The following RNF135 variants were observed in gnomAD, a reference collection of about 807,000 sequenced individuals.
RNF135 encodes ring finger protein 135.
A neutral mutation model predicts 41.9 loss-of-function variants in RNF135; 46 were observed. The observed-to-expected ratio is 1.10, with a 90% CI of 0.87 to 1.40. The LOEUF is 1.40. Among genes scored for constraint, RNF135 ranks in the 40% most tolerant of loss-of-function variants. The pLI is 0.00. For synonymous variants in RNF135, 238 were observed against 223.8 expected (o/e 1.06, Z -0.57); for missense variants, 539 against 549.8 (o/e 0.98, Z 0.20).
upstream of RNF135, among the ~76,000 whole-genome samples, chr17:30,966,353 A>G (rs985834944): frequency 8.0e-6 from 1 of 125,280 alleles, no homozygotes; most frequent in Admixed American, 7.0e-5. Flanking sequence ...ATTTATTTTT[A>G]TTTTATTTAT....
chr17:30,960,318 G>A, the RNF135 span, among the ~76,000 whole-genome samples: 1 of 151,726 alleles, frequency 6.6e-6, no homozygotes, highest in Non-Finnish European at 1.5e-5. Flanking sequence ...CTTGAACCCG[G>A]CAGGCGGAGG....
the RNF135 span, among the ~76,000 whole-genome samples, chr17:30,960,923 T>C: frequency 1.3e-5 from 2 of 151,792 alleles, no homozygotes; most frequent in African/African-American, 2.4e-5. Flanking sequence ...GTATTTTTAG[T>C]AGAGACAGGG....
At chr17:30,986,833 A>T (rs1468587694) in intron 2 of RNF135, among the ~76,000 whole-genome samples, 1 of 152,216 alleles carries the variant, frequency 6.6e-6, no homozygotes, top group African/African-American at 2.4e-5. Flanking sequence ...AAAATGTGGG[A>T]TGTTATAATT....
At chr17:30,966,354 T>TTTATTTA (rs1555571377), upstream of RNF135, among the ~76,000 whole-genome samples, 24 of 148,118 alleles carry the variant, frequency 1.6e-4, no homozygotes, top group African/African-American at 6.1e-4. Context: ...TTTATTTTTA[T>TTTATTTA]TTTATTTATT....
At chr17:30,983,354 T>TATATATATATA (rs1491179041) in intron 1 of RNF135, among the ~76,000 whole-genome samples, 124 of 25,522 alleles carry the variant, frequency 4.9e-3, no homozygotes, top group East Asian at 0.014. Flanking sequence ...TATATATATA[T>TATATATATATA]TTTTTTTTTT....
At chr17:30,964,478 C>T in the RNF135 span, among the ~76,000 whole-genome samples, 1 of 150,862 alleles carries the variant, frequency 6.6e-6, no homozygotes, top group African/African-American at 2.4e-5. Context: ...GTGGTTCATG[C>T]CTGTAATCCC....
Position 30,991,709 on chromosome 17 carries a change from C to T in RNF135, c.679+3603C>T, listed in dbSNP as rs540946980. On this transcript the variant is annotated intron_variant, in intron 3 of 4. Coordinates refer to ENST00000328381, the MANE Select transcript of RNF135 (RefSeq NM_032322.4). ...GATTACAGGGGTGAGCCACCGTGCC[C>T]GGCCTATACTACACTTTTAATTTGT... Among the ~76,000 whole-genome samples the T allele has an allele frequency of 5.9e-5, 9 of 151,872 alleles. No homozygotes were observed. In the East Asian group the frequency reaches 1.2e-3, roughly 20 times the overall value.
intron 1 of RNF135, among the ~76,000 whole-genome samples, chr17:30,977,757 C>A (rs887792644): frequency 6.6e-6 from 1 of 152,070 alleles, no homozygotes; most frequent in African/African-American, 2.4e-5. Context: ...TTAGCAGAGA[C>A]GGGGTTTCAC....
At chr17:30,968,810 G>A (rs2142640908), upstream of RNF135, 1 of 152,350 alleles carries the variant, frequency 6.6e-6, no homozygotes, top group Non-Finnish European at 1.5e-5. Flanking sequence ...CTGTGAAATG[G>A]AGAAGAGGAG....
intron 3 of RNF135, chr17:30,993,856 G>T (rs1187610135): frequency 8.9e-6 from 7 of 783,736 alleles, no homozygotes; most frequent in Middle Eastern, 3.6e-4. Context: ...TGTTGCCCAG[G>T]CTGGAGTGCA....
intron 1 of RNF135, among the ~76,000 whole-genome samples, chr17:30,983,349 A>T (rs1483458807): frequency 0.093 from 3,587 of 38,542 alleles, 222 homozygotes; most frequent in African/African-American, 0.11. Context: ...ATATATATAT[A>T]TATATTTTTT....
At chr17:30,993,688 A>C (rs1908142486) in intron 3 of RNF135, among the ~76,000 whole-genome samples, 1 of 152,118 alleles carries the variant, frequency 6.6e-6, no homozygotes, top group Non-Finnish European at 1.5e-5. Flanking sequence ...TAAAAAAAGT[A>C]TTAGGGAGTG....
At chr17:30,977,899 T>A (rs1045853957) in intron 1 of RNF135, among the ~76,000 whole-genome samples, 1 of 152,238 alleles carries the variant, frequency 6.6e-6, no homozygotes, top group Admixed American at 6.5e-5. Flanking sequence ...GTATTCCCTT[T>A]AGCATTTCTT....
upstream of RNF135, among the ~76,000 whole-genome samples, chr17:30,968,127 A>G (rs1018314751): frequency 1.3e-5 from 2 of 151,476 alleles, no homozygotes; most frequent in Admixed American, 6.6e-5. Flanking sequence ...CATCTCTACT[A>G]AAAATACAAA....
Position 30,981,329 on chromosome 17 carries a change from C to G in RNF135, c.373-3288C>G, listed in dbSNP as rs533381229. Among the ~76,000 whole-genome samples the G allele has an allele frequency of 4.4e-3, 574 of 129,784 alleles. 5 individuals carry two copies. Among genetic ancestry groups the G allele is most frequent in the African/African-American group, 0.022 (531 of 24,650 alleles). The allele number at this position is 129,784 out of a possible 152,430, so 85.1% of individuals were successfully genotyped here. A position where few individuals can be genotyped will look rare whatever the true frequency, so the allele number is the denominator to read the frequency against. ...GCAGCAGTACCGTCCAGCTTTGGCT[C>G]AGCATCAGAGGGAGACCGTGGAGGG... is the stretch of plus-strand genomic sequence containing the variant. On this transcript the variant is annotated intron_variant, in intron 1 of 4. Transcript: ENST00000328381.
chr17:30,966,371 T>TTTAA (rs1408889125), upstream of RNF135, among the ~76,000 whole-genome samples: 6 of 143,332 alleles, frequency 4.2e-5, no homozygotes, highest in African/African-American at 1.7e-4. Context: ...TATTTATTTA[T>TTTAA]TTAATTTTTA....
At chr17:30,988,502 A>C (rs893043290) in intron 3 of RNF135, among the ~76,000 whole-genome samples, 2 of 126,062 alleles carry the variant, frequency 1.6e-5, no homozygotes, top group African/African-American at 6.3e-5. Flanking sequence ...ATCTGGGCTC[A>C]CTGCAAGCTC....
chr17:30,992,123 G>A (rs1908031584), intron 3 of RNF135, among the ~76,000 whole-genome samples: 1 of 151,812 alleles, frequency 6.6e-6, no homozygotes, highest in African/African-American at 2.4e-5. Context: ...GCAGAGACAG[G>A]GTTTCCCCAT....
At chr17:30,997,517 G>A (rs1463842705) in intron 4 of RNF135, 186 bp downstream of exon 4, 1 of 666,098 alleles carries the variant, frequency 1.5e-6, no homozygotes, top group South Asian at 1.5e-5. Flanking sequence ...AGACCCAAGA[G>A]CACTCAGAGT....
Sources: gnomAD v4.1 joint callset for allele counts (sites outside exome capture counted in the v4.1 genomes callset) on GRCh38, gnomAD v4.1.1 for gene constraint, MANE v1.5 for transcripts, NCBI Gene and HGNC (gene_info 2026-07-23, HGNC 2026-07-21) for gene names.